ITGA9: variants seen among roughly 807,000 people sequenced by gnomAD.
ITGA9 encodes integrin alpha-9.
Under a neutral mutation model 127.8 loss-of-function variants are expected in ITGA9, and 56 were observed. That is an observed-to-expected ratio of 0.44 (90% confidence interval 0.35 to 0.55). ITGA9 has a LOEUF of 0.55. Ranked by LOEUF, ITGA9 falls within the 20% of genes least tolerant of loss-of-function variation. The pLI is 0.00. For synonymous variants in ITGA9, 508 were observed against 514.5 expected (o/e 0.99, Z 0.17); for missense variants, 1,196 against 1,347.1 (o/e 0.89, Z 1.76).
chr3:37,739,141 T>G (rs1696402085), intron 20 of ITGA9, among the ~76,000 whole-genome samples: 1 of 152,234 alleles, frequency 6.6e-6, no homozygotes, highest in African/African-American at 2.4e-5. Flanking sequence ...AGTAAATATT[T>G]ATTGTGCACC....
rs189321293 is a variant in ITGA9 at position 37,545,669 on chromosome 3, A to G, written c.1689+3084A>G. On this transcript the variant is annotated intron_variant, in intron 15 of 27. Coordinates refer to ENST00000264741, the MANE Select transcript of ITGA9 (RefSeq NM_002207.3). ...CCTCAGAGTTCACACACCCCGGCTTATCTTCCCTCTTCCCCGAGACCAGCC... is the reference window on the plus strand; with the variant it reads ...CCTCAGAGTTCACACACCCCGGCTTGTCTTCCCTCTTCCCCGAGACCAGCC... Among the ~76,000 whole-genome samples the G allele has an allele frequency of 2.4e-4, 37 of 152,248 alleles. No homozygotes were observed. The East Asian group carries it at 6.6e-3, about 27-fold the overall frequency.
intron 17 of ITGA9, among the ~76,000 whole-genome samples, chr3:37,664,533 G>A (rs1487528186): frequency 6.7e-6 from 1 of 148,624 alleles, no homozygotes; most frequent in African/African-American, 2.5e-5. Context: ...CGATTCTCCT[G>A]CCTCAGCCTC....
intron 17 of ITGA9, among the ~76,000 whole-genome samples, chr3:37,668,817 A>G (rs1700609408): frequency 6.6e-6 from 1 of 152,220 alleles, no homozygotes. Context: ...TTCACGGATG[A>G]AAAGCCAAAG....
Position 37,750,528 on chromosome 3 carries a change from T to G in ITGA9, c.2500T>G (p.Ser834Ala), listed in dbSNP as rs760038475. 6.2e-7 allele frequency: 1 copy of G among 1,613,864 alleles called. No individual in the cohort carries two copies. Among genetic ancestry groups the G allele is most frequent in the East Asian group, 2.2e-5 (1 of 44,884 alleles). Reference sequence around the variant, plus strand: ...CAGCATCTCTTTCCCTAATCGACTCTCATCTGGTGGTGCAGAGATGTTTCA... The same window carrying G: ...CAGCATCTCTTTCCCTAATCGACTCGCATCTGGTGGTGCAGAGATGTTTCA... ...SVSISFPNRL[S>A]SGGAEMFHVQ... is the part of the protein sequence containing the mutation. Residue 834 changes from serine to alanine, a missense_variant, in exon 23 of 28, where the codon TCA becomes GCA. Coordinates refer to ENST00000264741, the MANE Select transcript of ITGA9 (RefSeq NM_002207.3).
At chr3:37,492,366 C>T (rs917339141) in intron 4 of ITGA9, among the ~76,000 whole-genome samples, 3 of 152,210 alleles carry the variant, frequency 2.0e-5, no homozygotes, top group Admixed American at 6.5e-5. Context: ...CTTGGGAAGG[C>T]GGAGGCTGGC....
intron 15 of ITGA9, among the ~76,000 whole-genome samples, chr3:37,617,464 T>A (rs1351601899): frequency 6.6e-6 from 1 of 152,070 alleles, no homozygotes; most frequent in Non-Finnish European, 1.5e-5. Flanking sequence ...TCTCGAGGAG[T>A]ATCTTTGTGG....
At chr3:37,635,074 A>G (rs1021385473) in intron 16 of ITGA9, among the ~76,000 whole-genome samples, 1 of 152,234 alleles carries the variant, frequency 6.6e-6, no homozygotes, top group African/African-American at 2.4e-5. Flanking sequence ...GCATACAAAA[A>G]CTTAAAATGT....
intron 15 of ITGA9, among the ~76,000 whole-genome samples, chr3:37,548,585 G>A (rs889191048): frequency 1.3e-5 from 2 of 152,084 alleles, no homozygotes; most frequent in African/African-American, 4.8e-5. Context: ...AACCTGTCCA[G>A]GTGGTCTTCT....
chr3:37,561,366 G>C (rs2125599859), intron 15 of ITGA9, among the ~76,000 whole-genome samples: 1 of 152,330 alleles, frequency 6.6e-6, no homozygotes, highest in South Asian at 2.1e-4. Context: ...TGCAGGTCTA[G>C]TGTCGAACCT....
intron 15 of ITGA9, among the ~76,000 whole-genome samples, chr3:37,587,343 A>C (rs6550484): frequency 0.64 from 97,138 of 152,072 alleles, 31,394 homozygotes; most frequent in East Asian, 0.74. Context: ...AAAACAGTTA[A>C]GTTCAGGTCC....
intron 18 of ITGA9, among the ~76,000 whole-genome samples, chr3:37,730,799 C>G (rs1696281616): frequency 6.6e-6 from 1 of 152,128 alleles, no homozygotes; most frequent in South Asian, 2.1e-4. Flanking sequence ...GGGGGAAGGG[C>G]TAAGGAAAGG....
At chr3:37,592,600 C>T (rs1031603789) in intron 15 of ITGA9, among the ~76,000 whole-genome samples, 1 of 152,162 alleles carries the variant, frequency 6.6e-6, no homozygotes, top group Non-Finnish European at 1.5e-5. Flanking sequence ...AATGACTCCA[C>T]ATATCAGTGG....
intron 17 of ITGA9, among the ~76,000 whole-genome samples, chr3:37,664,431 T>TC (rs1187506208): frequency 3.3e-5 from 5 of 149,728 alleles, no homozygotes; most frequent in African/African-American, 4.9e-5. Flanking sequence ...TTTTTTTTTT[T>TC]TTTTTTTTTT....
At position 37,708,157 on chromosome 3, in the gene ITGA9, G is replaced by A. The variant is rs370225538; in HGVS notation, c.2067+24142G>A. Among the ~76,000 whole-genome samples the A allele has an allele frequency of 2.0e-5, 3 of 152,156 alleles. No homozygotes were observed. In the South Asian group the frequency reaches 6.2e-4, roughly 31 times the overall value. ...CTTGGCCAACCTTACTCATGTGTCTGTGGTTAGCTGCAGGTCAGCTGGAAC... is the reference window on the plus strand; with the variant it reads ...CTTGGCCAACCTTACTCATGTGTCTATGGTTAGCTGCAGGTCAGCTGGAAC... On this transcript the variant is annotated intron_variant, in intron 18 of 27. Transcript: ENST00000264741.
chr3:37,595,491 A>G (rs1456026299), intron 15 of ITGA9, among the ~76,000 whole-genome samples: 2 of 152,222 alleles, frequency 1.3e-5, no homozygotes, highest in Non-Finnish European at 2.9e-5. Context: ...AGAGCATACA[A>G]TTCAGAAAAT....
intron 15 of ITGA9, among the ~76,000 whole-genome samples, chr3:37,611,150 A>G (rs1255926191): frequency 6.6e-6 from 1 of 152,178 alleles, no homozygotes; most frequent in African/African-American, 2.4e-5. Context: ...GGTGGTCTCA[A>G]AATGCACCAG....
At chr3:37,735,590 C>T (rs1696349767) in intron 19 of ITGA9, among the ~76,000 whole-genome samples, 1 of 152,212 alleles carries the variant, frequency 6.6e-6, no homozygotes, top group South Asian at 2.1e-4. Context: ...TGTCCAACCT[C>T]CTTTTTTTAT....
intron 17 of ITGA9, among the ~76,000 whole-genome samples, chr3:37,682,951 G>A (rs1036612424): frequency 2.0e-5 from 3 of 152,018 alleles, no homozygotes; most frequent in African/African-American, 7.3e-5. Flanking sequence ...TCCTCTCCTG[G>A]CCACTCCACA....
chr3:37,683,266 C>T (rs1297641705), intron 17 of ITGA9, among the ~76,000 whole-genome samples: 1 of 152,216 alleles, frequency 6.6e-6, no homozygotes, highest in Non-Finnish European at 1.5e-5. Context: ...TCTTGCTCCC[C>T]TTCTTTCTTC....
Sources: allele counts gnomAD v4.1 joint callset (sites outside exome capture counted in the v4.1 genomes callset), GRCh38; gene constraint gnomAD v4.1.1; transcripts MANE v1.5; gene names NCBI Gene and HGNC (gene_info 2026-07-23, HGNC 2026-07-21).